Variants in YTHDC2 observed in about 807,000 individuals in gnomAD.
The protein encoded by YTHDC2 is YTH N6-methyladenosine RNA binding protein C2, also known as 3'-5' RNA helicase YTHDC2.
Under a neutral mutation model 174.9 loss-of-function variants are expected in YTHDC2, and 45 were observed. That is an observed-to-expected ratio of 0.26 (90% CI 0.20 to 0.33). The LOEUF is 0.33. YTHDC2 is among the 10% of genes least tolerant of loss of function. The pLI, the probability that YTHDC2 is intolerant of heterozygous loss-of-function variation, is 1.00. For synonymous variants in YTHDC2, 657 were observed against 574.5 expected (o/e 1.14, Z -2.05); for missense variants, 1,650 against 1,723.7 (o/e 0.96, Z 0.76).
intron 25 of YTHDC2, chr5:113,581,989 G>T: frequency 4.4e-6 from 1 of 228,078 alleles, no homozygotes; most frequent in Non-Finnish European, 8.3e-6. Flanking sequence ...CTAGAATTGG[G>T]TCTCTCAAAA....
intron 10 of YTHDC2, among the ~76,000 whole-genome samples, chr5:113,546,884 A>G (rs965775257): frequency 6.6e-6 from 1 of 152,216 alleles, no homozygotes; most frequent in Admixed American, 6.5e-5. Context: ...CAGAATAGCC[A>G]TGAGTTCTTG....
chr5:113,555,940 G>A, intron 16 of YTHDC2, 112 bp from the exon 17 acceptor site: 1 of 586,732 alleles, frequency 1.7e-6, no homozygotes, highest in East Asian at 3.0e-5. Flanking sequence ...ATTTAATCAA[G>A]AGAGGACTTT....
chr5:113,551,253 A>G (rs2112662693), intron 12 of YTHDC2, among the ~76,000 whole-genome samples: 1 of 152,156 alleles, frequency 6.6e-6, no homozygotes, highest in East Asian at 1.9e-4. Context: ...TGTTCCAGAC[A>G]TTCTTATGGT....
intron 17 of YTHDC2, among the ~76,000 whole-genome samples, chr5:113,559,639 C>T (rs1219552739): frequency 6.6e-6 from 1 of 152,168 alleles, no homozygotes; most frequent in African/African-American, 2.4e-5. Context: ...GTTCAGGTTA[C>T]CCAATTCTGA....
Position 113,594,969 on chromosome 5 carries a change from T to C in YTHDC2, c.*1495T>C, listed in dbSNP as rs998433123. ...TGGGGTTTTCTTGTACTTTAAGACA[T>C]ACCTGTAAATTGAACCTATTTGAAT... On this transcript the variant is annotated 3_prime_UTR_variant, in exon 30 of 30. Coordinates refer to ENST00000161863, the MANE Select transcript of YTHDC2 (RefSeq NM_022828.5). The C allele has an allele frequency of 2.0e-5, 3 of 152,202 alleles. No homozygotes were observed. Among genetic ancestry groups the C allele is most frequent in the African/African-American group, 7.2e-5 (3 of 41,468 alleles). 9.4% of individuals were successfully genotyped at this position (152,202 alleles called of 1,614,324 possible).
chr5:113,535,426 A>G (rs1774987345), intron 6 of YTHDC2, among the ~76,000 whole-genome samples: 2 of 152,154 alleles, frequency 1.3e-5, no homozygotes, highest in South Asian at 2.1e-4. Flanking sequence ...ATTCACCCAC[A>G]GATGCCAGGG....
intron 18 of YTHDC2, among the ~76,000 whole-genome samples, chr5:113,562,723 A>G (rs79575966): frequency 0.033 from 5,006 of 152,220 alleles, 264 homozygotes; most frequent in African/African-American, 0.11. Context: ...CTCCTACTCA[A>G]TCTTTACATC....
chr5:113,525,062 T>C lies in YTHDC2; in HGVS notation c.360T>C (p.Thr120=), dbSNP rs1774121777. The C allele has an allele frequency of 6.2e-7, 1 of 1,612,830 alleles. No individual in the cohort carries two copies. The highest frequency in any genetic ancestry group is 1.7e-5 in the Admixed American group (1 of 59,894). The change falls in exon 3 of 30, where the codon ACT becomes ACC. Residue 120 remains threonine (T), a synonymous_variant. Transcript: ENST00000161863. ...ATGCAATGATGACCTGTAATTTGAC[T>C]CATAATACAAAACATGCTGTTAGGA... ...TAHAMMTCNL[T]HNTKHAVRSL...
intron 10 of YTHDC2, among the ~76,000 whole-genome samples, chr5:113,544,599 A>C (rs1775723619): frequency 6.6e-6 from 1 of 152,116 alleles, no homozygotes; most frequent in South Asian, 2.1e-4. Flanking sequence ...ACTACATAGC[A>C]TCTCCCTTTT....
rs1333952933 is a variant in YTHDC2, at chr5:113,595,080, T to TA, written c.*1607dup. 5.9e-5 allele frequency: 9 copies of TA among 152,152 alleles called. No individual in the cohort carries two copies. The highest frequency in any genetic ancestry group is 1.2e-4 in the Non-Finnish European group (8 of 68,006). The allele number at this position is 152,152 out of a possible 1,614,324, so 9.4% of individuals were successfully genotyped here. Reference sequence around the variant, plus strand: ...ATAATGTGTACATTTTTTAGGCATGTACTTAATAGTTCACAATGTTCTAAA... The same window carrying TA: ...ATAATGTGTACATTTTTTAGGCATGTAACTTAATAGTTCACAATGTTCTAAA... On this transcript the variant is annotated 3_prime_UTR_variant, in exon 30 of 30. Transcript: ENST00000161863.
At position 113,553,784 on chromosome 5, in the gene YTHDC2, T is replaced by A; in HGVS notation, c.1982T>A (p.Leu661His). The A allele has an allele frequency of 6.2e-7, 1 of 1,612,596 alleles. No individual in the cohort carries two copies. The highest frequency in any genetic ancestry group is 8.5e-7 in the Non-Finnish European group (1 of 1,179,394). Reference protein sequence around the residue: ...DSTHRYQVFMLHSNMQTSDQK... With the variant: ...DSTHRYQVFMHHSNMQTSDQK... ...GTCTGCAGATACCAAGTCTTTATGC[T>A]TCATTCAAATATGCAAACATCCGAT... is the stretch of plus-strand genomic sequence containing the variant. The change falls in exon 15 of 30, where the codon CTT (leucine) becomes CAT (histidine). Residue 661 changes from leucine (L) to histidine (H), a missense_variant. Physicochemically the swap from Leu to His is moderately conservative, Grantham distance 99. Transcript: ENST00000161863.
intron 4 of YTHDC2, among the ~76,000 whole-genome samples, chr5:113,527,289 A>G (rs1554092516): frequency 6.6e-6 from 1 of 152,242 alleles, no homozygotes; most frequent in Non-Finnish European, 1.5e-5. Context: ...AATAACAAAT[A>G]TTAATATAAA....
intron 18 of YTHDC2, among the ~76,000 whole-genome samples, chr5:113,562,754 C>G (rs1267465424): frequency 1.3e-5 from 2 of 152,112 alleles, no homozygotes; most frequent in East Asian, 3.9e-4. Context: ...TGTCTTTCTT[C>G]AGGAAAACTA....
intron 10 of YTHDC2, among the ~76,000 whole-genome samples, chr5:113,544,632 G>A (rs946111547): frequency 2.0e-5 from 3 of 151,772 alleles, no homozygotes; most frequent in Non-Finnish European, 4.4e-5. Context: ...GTGAACATAT[G>A]TATTTATGCC....
At position 113,539,144 on chromosome 5, in the gene YTHDC2, CAAAG is replaced by C; in HGVS notation, c.1177_1180del (p.Glu393CysfsTer2). 7.1e-7 allele frequency: 1 copy of C among 1,400,222 alleles called. No homozygotes were observed. Among genetic ancestry groups the C allele is most frequent in the East Asian group, 2.6e-5 (1 of 39,132 alleles). The allele number at this position is 1,400,222 out of a possible 1,614,324, so 86.7% of individuals were successfully genotyped here. A position where few individuals can be genotyped will look rare whatever the true frequency, so the allele number is the denominator to read the frequency against. The stretch of plus-strand genomic sequence containing the variant: ...TTTTAAGAACAACTGGATATACAAA[CAAAG>C]AAATGTTAAAATATAAAAAGGAAAA... On this transcript the variant is annotated frameshift_variant, in exon 8 of 30. Transcript: ENST00000161863. LOFTEE classifies it high-confidence loss of function.
At chr5:113,557,953 C>T (rs1776724544) in intron 17 of YTHDC2, among the ~76,000 whole-genome samples, 2 of 152,160 alleles carry the variant, frequency 1.3e-5, no homozygotes, top group Non-Finnish European at 2.9e-5. Context: ...ATAGGTAAAG[C>T]TGGAGGTAGG....
At chr5:113,562,867 C>T (rs1432797411) in intron 18 of YTHDC2, among the ~76,000 whole-genome samples, 1 of 152,126 alleles carries the variant, frequency 6.6e-6, no homozygotes, top group Admixed American at 6.5e-5. Flanking sequence ...TGACGATAAT[C>T]GTAATTAAGT....
rs758959547 is a variant in YTHDC2 at position 113,579,606 on chromosome 5, A to G, written c.3265A>G (p.Ser1089Gly). Reference protein sequence around the residue: ...SFRVDGIPNDSSDSEMEDKTT... With the variant: ...SFRVDGIPNDGSDSEMEDKTT... The stretch of plus-strand genomic sequence containing the variant: ...GACAGTGGATGGCATTCCCAATGAC[A>G]GTAGTGATAGTGAAATGGAGGACAA... Residue 1089 changes from serine (S) to glycine (G), a missense_variant, in exon 24 of 30, where the codon AGT becomes GGT. Ser to Gly is a moderately conservative substitution (Grantham distance 56). This residue lies in a region of YTHDC2 where 913 missense variants were observed against 940.4 expected (regional missense o/e 0.97). Coordinates refer to ENST00000161863, the MANE Select transcript of YTHDC2 (RefSeq NM_022828.5). The G allele has an allele frequency of 1.9e-6, 3 of 1,609,380 alleles. No homozygotes were observed. The highest frequency in any genetic ancestry group is 2.5e-6 in the Non-Finnish European group (3 of 1,177,424).
At chr5:113,557,412 G>C (rs1776685712) in intron 17 of YTHDC2, among the ~76,000 whole-genome samples, 1 of 152,110 alleles carries the variant, frequency 6.6e-6, no homozygotes, top group South Asian at 2.1e-4. Flanking sequence ...TGCCCATGAG[G>C]GCTTTGTTGT....
Sources: gnomAD v4.1 joint callset for allele counts (sites outside exome capture counted in the v4.1 genomes callset) on GRCh38, gnomAD v4.1.1 for gene constraint, gnomAD v4.1.1 regional missense constraint, MANE v1.5 for transcripts, NCBI Gene and HGNC (gene_info 2026-07-23, HGNC 2026-07-21) for gene names.